The following C3orf70 variants were observed in gnomAD, a reference collection of about 807,000 sequenced individuals.
C3orf70 encodes UPF0524 protein C3orf70.
C3orf70 carries 15 observed loss-of-function variants against 20.7 expected under a neutral mutation model. The ratio of observed to expected loss-of-function variants is 0.72; its 90% CI spans 0.48 to 1.11. The LOEUF (loss-of-function observed/expected upper bound fraction) is 1.11, where lower values mean the gene tolerates loss of function less well. Among genes scored for constraint, C3orf70 ranks in the 50% most tolerant of loss-of-function variants. The probability of loss-of-function intolerance (pLI) is 0.00; values close to 1 mark genes in which losing one functional copy is unlikely to be tolerated. For missense variants in C3orf70, 332 were observed against 317.6 expected, an observed-to-expected ratio of 1.05 and a Z score of -0.34; for synonymous variants, 161 against 125.7, an observed-to-expected ratio of 1.28 and a Z score of -1.88.
At chr3:185,104,328 GT>G (rs1464845910) in intron 1 of C3orf70, among the ~76,000 whole-genome samples, 5 of 152,146 alleles carry the variant, frequency 3.3e-5, no homozygotes, top group African/African-American at 1.2e-4. Flanking sequence ...AGAATAACAG[GT>G]GTTGGAGAGG....
rs1326580444 is a variant in C3orf70 at position 185,083,032 on chromosome 3, A to G, written c.728T>C (p.Ile243Thr). The G allele has an allele frequency of 6.2e-7, 1 of 1,613,874 alleles. No homozygotes were observed. The highest frequency in any genetic ancestry group is 1.7e-5 in the Admixed American group (1 of 59,982). The part of the protein sequence containing the change: ...LSPSQSDLEV[I>T]ETIETTV ...TCACACAGTCGTTTCTATCGTTTCA[A>G]TCACTTCCAGGTCAGACTGCGAGGG... The change falls in exon 2 of 2, where the codon ATT becomes ACT. Residue 243 changes from isoleucine (I) to threonine (T), a missense_variant. Ile to Thr is a moderately conservative substitution (Grantham distance 89). Coordinates refer to ENST00000335012, the MANE Select transcript of C3orf70 (RefSeq NM_001025266.3).
At chr3:185,148,673 A>G (rs1389225810) in intron 1 of C3orf70, among the ~76,000 whole-genome samples, 5 of 152,174 alleles carry the variant, frequency 3.3e-5, no homozygotes, top group African/African-American at 7.2e-5. Context: ...ATTCAAGCCA[A>G]TATCACTCCT....
At position 185,080,279 on chromosome 3, in the gene C3orf70, T is replaced by C. The variant is rs1876803; in HGVS notation, c.*2728A>G. 116,572 of 152,604 alleles carry C rather than the reference T, an allele frequency of 0.76. 46,046 individuals carry two copies. The highest frequency in any genetic ancestry group is 0.86 in the Non-Finnish European group (58,378 of 68,028). The allele number at this position is 152,604 out of a possible 1,614,324, so 9.5% of individuals were successfully genotyped here. A position where few individuals can be genotyped will look rare whatever the true frequency, so the allele number is the denominator to read the frequency against. On this transcript the variant is annotated 3_prime_UTR_variant, in exon 2 of 2. Coordinates refer to ENST00000335012, the MANE Select transcript of C3orf70 (RefSeq NM_001025266.3). ...AATACATAAGGTGATTATCAACTAT[T>C]ATTAAATCCAAAAATTCCATTAAAA...
In C3orf70 at chr3:185,152,863, G is replaced by A. The variant is rs751670815; in HGVS notation, c.-40C>T. ...CGCGGAGCCGACACCGGGAGCCCGGGAGAAGCGACGTCTGGGTGGGCAGGA... is the reference window on the plus strand; with the variant it reads ...CGCGGAGCCGACACCGGGAGCCCGGAAGAAGCGACGTCTGGGTGGGCAGGA... On this transcript the variant is annotated 5_prime_UTR_variant, in exon 1 of 2. Transcript: ENST00000335012. 1.5e-5 allele frequency: 22 copies of A among 1,463,388 alleles called. No individual in the cohort carries two copies. Among genetic ancestry groups the A allele is most frequent in the Admixed American group, 1.1e-4 (5 of 46,064 alleles). The allele number at this position is 1,463,388 out of a possible 1,614,324, so 90.7% of individuals were successfully genotyped here. A position where few individuals can be genotyped will look rare whatever the true frequency, so the allele number is the denominator to read the frequency against.
At chr3:185,126,991 C>G (rs1716424957) in intron 1 of C3orf70, among the ~76,000 whole-genome samples, 1 of 152,214 alleles carries the variant, frequency 6.6e-6, no homozygotes, top group Non-Finnish European at 1.5e-5. Flanking sequence ...TAAAAATCCA[C>G]TTTACTGTCT....
rs190177721 is a variant in C3orf70, at chr3:185,094,870, T to C, written c.197-11307A>G. ...CAAGGAGAGGTCACTGGGGGTGAGA[T>C]GAAGCATGAAAACCATATGCTCAGA... is the stretch of plus-strand genomic sequence containing the variant. On this transcript the variant is annotated intron_variant, in intron 1 of 1. Coordinates refer to ENST00000335012, the MANE Select transcript of C3orf70 (RefSeq NM_001025266.3). Among the ~76,000 whole-genome samples, 48 of 152,190 alleles carry C rather than the reference T, an allele frequency of 3.2e-4. No individual in the cohort carries two copies. In the East Asian group the frequency reaches 7.2e-3, roughly 23 times the overall value.
At chr3:185,102,909 T>C (rs903265202) in intron 1 of C3orf70, among the ~76,000 whole-genome samples, 3 of 152,116 alleles carry the variant, frequency 2.0e-5, no homozygotes, top group African/African-American at 7.2e-5. Context: ...TAACTCAAGA[T>C]AGATAAAAGA....
At position 185,141,002 on chromosome 3, in the gene C3orf70, C is replaced by G. The variant is rs532206911; in HGVS notation, c.196+11626G>C. On this transcript the variant is annotated intron_variant, in intron 1 of 1. Coordinates refer to ENST00000335012, the MANE Select transcript of C3orf70 (RefSeq NM_001025266.3). ...AAAAAGAAAAAAAAAGAAAAAGACC[C>G]CAGAAAGTGCTCTATCCCTCTTTCC... 8.3e-4 allele frequency among the ~76,000 whole-genome samples: 126 copies of G among 151,560 alleles called. 1 individual carries two copies. The highest frequency in any genetic ancestry group is 2.7e-3 in the African/African-American group (112 of 41,370).
intron 1 of C3orf70, among the ~76,000 whole-genome samples, chr3:185,109,576 C>T (rs540565078): frequency 1.2e-3 from 181 of 152,144 alleles, no homozygotes; most frequent in African/African-American, 3.7e-3. Context: ...AGAAGAAAAC[C>T]GGAGGAAAGG....
chr3:185,108,801 A>G (rs1441038667), intron 1 of C3orf70, among the ~76,000 whole-genome samples: 1 of 152,252 alleles, frequency 6.6e-6, no homozygotes, highest in Non-Finnish European at 1.5e-5. Context: ...AATGGATGTC[A>G]CACATGTTCC....
chr3:185,092,989 CAA>C (rs35779843), intron 1 of C3orf70, among the ~76,000 whole-genome samples: 8,955 of 129,920 alleles, frequency 0.069, 320 homozygotes, highest in South Asian at 0.14. Context: ...GACTCCATCT[CAA>C]AAAAAAAAAA....
At chr3:185,118,934 T>C (rs775702241) in intron 1 of C3orf70, among the ~76,000 whole-genome samples, 3 of 152,208 alleles carry the variant, frequency 2.0e-5, no homozygotes, top group Admixed American at 6.5e-5. Flanking sequence ...AATTACTTTG[T>C]CCCTTTACAG....
intron 1 of C3orf70, among the ~76,000 whole-genome samples, chr3:185,146,381 G>A (rs1397757747): frequency 7.0e-6 from 1 of 143,828 alleles, no homozygotes; most frequent in Non-Finnish European, 1.5e-5. Context: ...TCTGCCTCCC[G>A]AGTTCAAGCG....
intron 1 of C3orf70, among the ~76,000 whole-genome samples, chr3:185,142,900 C>CA (rs1716787737): frequency 6.6e-6 from 1 of 151,808 alleles, no homozygotes. Flanking sequence ...GGACATTCTC[C>CA]AAACAGTTAA....
chr3:185,113,265 C>G (rs1716109200), intron 1 of C3orf70, among the ~76,000 whole-genome samples: 1 of 122,344 alleles, frequency 8.2e-6, no homozygotes, highest in Admixed American at 9.0e-5. Context: ...ACAGTGAAAC[C>G]CCATCTCTAC....
At chr3:185,100,864 G>T (rs771944384) in intron 1 of C3orf70, among the ~76,000 whole-genome samples, 37 of 151,934 alleles carry the variant, frequency 2.4e-4, no homozygotes, top group Admixed American at 4.6e-4. Flanking sequence ...TATTACAAAT[G>T]AACTCACAGA....
chr3:185,127,614 A>G (rs1288567110), intron 1 of C3orf70, among the ~76,000 whole-genome samples: 1 of 151,876 alleles, frequency 6.6e-6, no homozygotes, highest in Non-Finnish European at 1.5e-5. Context: ...TAATTTTTGC[A>G]TTTTTATTAG....
At chr3:185,118,768 C>T (rs895307061) in intron 1 of C3orf70, among the ~76,000 whole-genome samples, 2 of 151,956 alleles carry the variant, frequency 1.3e-5, no homozygotes. Flanking sequence ...AATTTTAAAA[C>T]AATTTAGATT....
At position 185,152,684 on chromosome 3, in the gene C3orf70, T is replaced by C; in HGVS notation, c.140A>G (p.His47Arg). 6.3e-7 allele frequency: 1 copy of C among 1,594,074 alleles called. No individual in the cohort carries two copies. Among genetic ancestry groups the C allele is most frequent in the Non-Finnish European group, 8.5e-7 (1 of 1,170,582 alleles). ...CAGCTTGAAGCACTTGCCATGGCTG[T>C]GCGTGGCACAGATAGACAGCCCGTC... ...PCDGLSICAT[H>R]SHGKCFKLHW... is the part of the protein sequence containing the mutation. Residue 47 changes from histidine to arginine, a missense_variant, in exon 1 of 2, where the codon CAC becomes CGC. Coordinates refer to ENST00000335012, the MANE Select transcript of C3orf70 (RefSeq NM_001025266.3).
Sources: allele counts gnomAD v4.1 joint callset (sites outside exome capture counted in the v4.1 genomes callset), GRCh38; gene constraint gnomAD v4.1.1; transcripts MANE v1.5; gene names NCBI Gene and HGNC (gene_info 2026-07-23, HGNC 2026-07-21).